Variants in PLEKHO2 observed in about 807,000 individuals in gnomAD.
PLEKHO2 encodes pleckstrin homology domain containing O2, also known as pleckstrin homology domain-containing family O member 2.
Under a neutral mutation model 32.7 loss-of-function variants are expected in PLEKHO2, and 20 were observed. That is an observed-to-expected ratio of 0.61 (90% CI 0.43 to 0.89). The LOEUF (loss-of-function observed/expected upper bound fraction) is 0.89, where lower values mean the gene tolerates loss of function less well. Among genes scored for constraint, PLEKHO2 ranks in the 40% least tolerant of loss-of-function variants. The pLI is 0.00. For synonymous variants in PLEKHO2, 247 were observed against 246.3 expected, an observed-to-expected ratio of 1.00 and a Z score of -0.03; for missense variants, 568 against 621.2, an observed-to-expected ratio of 0.91 and a Z score of 0.91.
chr15:64,844,064 T>C (rs2084505957), intron 1 of PLEKHO2, among the ~76,000 whole-genome samples: 3 of 152,200 alleles, frequency 2.0e-5, no homozygotes, highest in Admixed American at 2.0e-4. Context: ...CTTCCGCTTG[T>C]TGCACTAGGC....
Position 64,865,191 on chromosome 15 carries a change from A to C in PLEKHO2, c.776A>C (p.Glu259Ala), listed in dbSNP as rs752367611. 2 of 1,614,158 alleles carry C rather than the reference A, an allele frequency of 1.2e-6. 1 individual carries two copies. The highest frequency in any genetic ancestry group is 1.7e-6 in the Non-Finnish European group (2 of 1,180,018). Residue 259 changes from glutamate to alanine, a missense_variant, in exon 6 of 6, where the codon GAG (glutamate) becomes GCG (alanine). By Grantham distance (107) the Glu-to-Ala change is moderately radical. Transcript: ENST00000323544. ...ETPAEEDSGS[E>A]QPPNSVLPDK... ...CCAGCAGAGGAGGACAGTGGCTCTG[A>C]GCAGCCTCCCAACAGCGTCCTGCCT...
chr15:64,859,378 C>A (rs936559399), intron 3 of PLEKHO2, among the ~76,000 whole-genome samples: 2 of 152,258 alleles, frequency 1.3e-5, no homozygotes, highest in African/African-American at 2.4e-5. Flanking sequence ...AGAGGCCCTA[C>A]TGCCTTGTCC....
rs771367446 is a variant in PLEKHO2, at chr15:64,864,893, C to A, written c.484-6C>A. On this transcript the variant is annotated splice_polypyrimidine_tract_variant and splice_region_variant and intron_variant, in intron 5 of 5. Transcript: ENST00000323544. ...GATGACACCCATATACCATCCCCCC[C>A]ACCAGGTGGCCAGTGCAGCTTCTGA... The A allele has an allele frequency of 6.0e-5, 95 of 1,582,040 alleles. 1 individual carries two copies. The South Asian group carries it at 7.6e-4, about 13-fold the overall frequency.
intron 3 of PLEKHO2, among the ~76,000 whole-genome samples, chr15:64,857,509 A>AT (rs1315039148): frequency 6.6e-6 from 1 of 151,924 alleles, no homozygotes; most frequent in African/African-American, 2.4e-5. Flanking sequence ...TAATTTTCAT[A>AT]TTTTTTGTAG....
intron 5 of PLEKHO2, among the ~76,000 whole-genome samples, chr15:64,862,182 T>C (rs1417641181): frequency 6.6e-6 from 1 of 151,840 alleles, no homozygotes; most frequent in African/African-American, 2.4e-5. Flanking sequence ...TGTGGAGGCC[T>C]TGGTGAAGAA....
chr15:64,859,551 G>A (rs1300708742), intron 3 of PLEKHO2, among the ~76,000 whole-genome samples: 2 of 152,208 alleles, frequency 1.3e-5, no homozygotes, highest in Admixed American at 1.3e-4. Context: ...GGGTGGTGTG[G>A]GGTGGGTTTG....
At chr15:64,844,182 G>C (rs1293280723) in intron 1 of PLEKHO2, among the ~76,000 whole-genome samples, 1 of 152,206 alleles carries the variant, frequency 6.6e-6, no homozygotes, top group East Asian at 1.9e-4. Context: ...GCTGCTTTCA[G>C]CCCTCCTGCT....
intron 2 of PLEKHO2, among the ~76,000 whole-genome samples, chr15:64,850,390 C>G (rs1215112966): frequency 6.6e-6 from 1 of 152,160 alleles, no homozygotes; most frequent in East Asian, 1.9e-4. Context: ...GAGACGCCAG[C>G]AAGTAAACTC....
At position 64,865,629 on chromosome 15, in the gene PLEKHO2, C is replaced by A. The variant is rs1026274574; in HGVS notation, c.1214C>A (p.Pro405His). The change falls in exon 6 of 6, where the codon CCC becomes CAC. Residue 405 changes from proline to histidine, a missense_variant. By Grantham distance (77) the Pro-to-His change is moderately conservative (BLOSUM62 -2). Transcript: ENST00000323544. ...LGEGPRHPLQ[P>H]RERLYRAQLE... ...GAAGGCCCGCGGCATCCCTTGCAGCCCAGGGAACGGCTATATCGGGCCCAG... is the reference window on the plus strand; with the variant it reads ...GAAGGCCCGCGGCATCCCTTGCAGCACAGGGAACGGCTATATCGGGCCCAG... 6.2e-7 allele frequency: 1 copy of A among 1,614,216 alleles called. No individual in the cohort carries two copies. Among genetic ancestry groups the A allele is most frequent in the East Asian group, 2.2e-5 (1 of 44,882 alleles).
At chr15:64,849,776 G>T (rs2084553080) in intron 2 of PLEKHO2, among the ~76,000 whole-genome samples, 1 of 148,616 alleles carries the variant, frequency 6.7e-6, no homozygotes, top group Admixed American at 6.8e-5. Flanking sequence ...CATCTAGTGT[G>T]CAAGTCTTTT....
At chr15:64,845,082 A>G (rs958179036) in intron 1 of PLEKHO2, among the ~76,000 whole-genome samples, 5 of 152,200 alleles carry the variant, frequency 3.3e-5, no homozygotes, top group African/African-American at 1.2e-4. Context: ...GGTTTTGTCA[A>G]AGAGCAAAGG....
At chr15:64,849,824 T>C (rs1476979428) in intron 2 of PLEKHO2, among the ~76,000 whole-genome samples, 2 of 150,076 alleles carry the variant, frequency 1.3e-5, no homozygotes, top group Non-Finnish European at 3.0e-5. Context: ...GTGAATGTTA[T>C]GGAAAACTGA....
chr15:64,847,059 A>G (rs1360233532), intron 1 of PLEKHO2, among the ~76,000 whole-genome samples: 1 of 152,254 alleles, frequency 6.6e-6, no homozygotes, highest in Admixed American at 6.5e-5. Context: ...ACTGAGGCTC[A>G]GAGAGGTTAA....
intron 4 of PLEKHO2, among the ~76,000 whole-genome samples, 162 bp from the exon 5 acceptor site, chr15:64,861,315 C>T (rs1344130970): frequency 6.6e-6 from 1 of 152,086 alleles, no homozygotes. Flanking sequence ...GCAAGAGACT[C>T]CAGGGGCATT....
chr15:64,850,128 C>T (rs972286954), intron 2 of PLEKHO2, among the ~76,000 whole-genome samples: 1 of 151,970 alleles, frequency 6.6e-6, no homozygotes, highest in African/African-American at 2.4e-5. Flanking sequence ...CCATTGCACT[C>T]CAGCCTGGAC....
At chr15:64,854,805 C>G in intron 2 of PLEKHO2, 116 bp from the exon 3 acceptor site, 1 of 767,440 alleles carries the variant, frequency 1.3e-6, no homozygotes, top group Non-Finnish European at 2.2e-6. Context: ...CTGAGGTCCT[C>G]CCTCTAACCA....
At chr15:64,842,105 C>T (rs2140335995) in intron 1 of PLEKHO2, 77 bp downstream of exon 1, 1 of 1,182,530 alleles carries the variant, frequency 8.5e-7, no homozygotes, top group Non-Finnish European at 1.1e-6. Context: ...GGGCTCAGGC[C>T]CTCGTTCCTG....
chr15:64,847,453 A>G (rs1277496998), intron 1 of PLEKHO2, among the ~76,000 whole-genome samples: 1 of 151,696 alleles, frequency 6.6e-6, no homozygotes, highest in Admixed American at 6.6e-5. Context: ...CACACTCACG[A>G]CTCTGGGTAC....
In PLEKHO2 at chr15:64,864,902, G is replaced by A; in HGVS notation, c.487G>A (p.Ala163Thr). The change falls in exon 6 of 6, where the codon GCC becomes ACC. Residue 163 changes from alanine to threonine, a missense_variant. Physicochemically the swap from Ala to Thr is moderately conservative, Grantham distance 58. Transcript: ENST00000323544. Reference protein sequence around the residue: ...PPTRVHLKEVASAASDGLLRL... With the variant: ...PPTRVHLKEVTSAASDGLLRL... The stretch of plus-strand genomic sequence containing the variant: ...CATATACCATCCCCCCCACCAGGTG[G>A]CCAGTGCAGCTTCTGACGGTCTTCT... 2 of 1,595,714 alleles carry A rather than the reference G, an allele frequency of 1.3e-6. No homozygotes were observed. Among genetic ancestry groups the A allele is most frequent in the Non-Finnish European group, 1.7e-6 (2 of 1,169,340 alleles).
Sources: gnomAD v4.1 joint callset for allele counts (sites outside exome capture counted in the v4.1 genomes callset) on GRCh38, gnomAD v4.1.1 for gene constraint, MANE v1.5 for transcripts, NCBI Gene and HGNC (gene_info 2026-07-23, HGNC 2026-07-21) for gene names.